Variants in RABEP1 observed in about 807,000 individuals in gnomAD.
RABEP1 encodes rab GTPase-binding effector protein 1.
In RABEP1, 51 loss-of-function variants were observed where a neutral mutation model predicts 123.4. The observed-to-expected ratio is 0.41, with a 90% CI of 0.33 to 0.52. The LOEUF (loss-of-function observed/expected upper bound fraction) is 0.52. Among genes scored for constraint, RABEP1 ranks in the 20% least tolerant of loss-of-function variants. RABEP1 has a pLI of 0.16. For synonymous variants in RABEP1, 347 were observed against 355.2 expected (o/e 0.98, Z 0.26); for missense variants, 888 against 996.3 (o/e 0.89, Z 1.46).
intron 1 of RABEP1, among the ~76,000 whole-genome samples, chr17:5,286,511 A>G (rs201661431): frequency 8.4e-6 from 1 of 119,068 alleles, no homozygotes; most frequent in Non-Finnish European, 1.8e-5. Context: ...AAAGAGTTGT[A>G]TTGTTCAATT....
At chr17:5,300,417 T>C (rs1243877349) in intron 1 of RABEP1, among the ~76,000 whole-genome samples, 1 of 152,146 alleles carries the variant, frequency 6.6e-6, no homozygotes, top group Non-Finnish European at 1.5e-5. Context: ...ATCGTTTTCT[T>C]TGTGTCACAT....
chr17:5,302,322 C>G lies in RABEP1; in HGVS notation c.35-6372C>G, dbSNP rs887382656. 2.8e-4 allele frequency among the ~76,000 whole-genome samples: 41 copies of G among 144,846 alleles called. 1 individual carries two copies. The highest frequency in any genetic ancestry group is 1.0e-3 in the African/African-American group (38 of 38,190). ...GTTGTGCGATCTCAGCTCACTGCAGCCTTGTCCTCCCCAGTTCAAGCAATT... is the reference window on the plus strand; with the variant it reads ...GTTGTGCGATCTCAGCTCACTGCAGGCTTGTCCTCCCCAGTTCAAGCAATT... On this transcript the variant is annotated intron_variant, in intron 1 of 17. Coordinates refer to ENST00000537505, the MANE Select transcript of RABEP1 (RefSeq NM_004703.6).
intron 1 of RABEP1, among the ~76,000 whole-genome samples, chr17:5,299,725 C>CTTTTTTTTTTTTT (rs201875944): frequency 1.5e-4 from 16 of 104,094 alleles, no homozygotes; most frequent in African/African-American, 2.0e-4. Flanking sequence ...TTTTCTTTTT[C>CTTTTTTTTTTTTT]TTTTTCTTTT....
intron 1 of RABEP1, among the ~76,000 whole-genome samples, chr17:5,302,258 T>TTTTTTTTTTG (rs2075141953): frequency 6.7e-6 from 1 of 148,986 alleles, no homozygotes; most frequent in Non-Finnish European, 1.5e-5. Context: ...TTTTTTTTTT[T>TTTTTTTTTTG]GAGATGGAGT....
In RABEP1 at chr17:5,379,018, G is replaced by C. The variant is rs573976430; in HGVS notation, c.2271+786G>C. Among the ~76,000 whole-genome samples the C allele has an allele frequency of 2.0e-5, 3 of 152,220 alleles. No individual in the cohort carries two copies. The East Asian group carries it at 5.8e-4, about 29-fold the overall frequency. On this transcript the variant is annotated intron_variant, in intron 15 of 17. Transcript: ENST00000537505. ...TGCTGTCCCCAGCTGCTGATGCCAC[G>C]AGACTTGGTGACACTGCATGCTCAA...
chr17:5,377,914 C>T (rs1433563939), intron 14 of RABEP1, among the ~76,000 whole-genome samples: 2 of 152,074 alleles, frequency 1.3e-5, no homozygotes, highest in African/African-American at 4.8e-5. Flanking sequence ...ACCAGGGGAA[C>T]GTGATTCAAT....
intron 7 of RABEP1, among the ~76,000 whole-genome samples, chr17:5,352,705 C>T (rs1327103500): frequency 6.6e-6 from 1 of 151,878 alleles, no homozygotes; most frequent in East Asian, 2.0e-4. Context: ...GTGGCATGTG[C>T]CTGTAGTACC....
chr17:5,359,209 G>T (rs886445940), intron 8 of RABEP1, among the ~76,000 whole-genome samples: 9 of 152,056 alleles, frequency 5.9e-5, no homozygotes, highest in Non-Finnish European at 1.0e-4. Context: ...AAGTAGCTGG[G>T]ACTACAGGCA....
chr17:5,308,031 A>G (rs2075196657), intron 1 of RABEP1, among the ~76,000 whole-genome samples: 1 of 152,194 alleles, frequency 6.6e-6, no homozygotes, highest in South Asian at 2.1e-4. Context: ...GATTGGCAGT[A>G]GGTTCATTTG....
At chr17:5,335,770 T>TC (rs1491337246) in intron 4 of RABEP1, among the ~76,000 whole-genome samples, 2 of 152,182 alleles carry the variant, frequency 1.3e-5, no homozygotes, top group Non-Finnish European at 2.9e-5. Context: ...GGAGTTTCTC[T>TC]TTCTCTCTTT....
intron 11 of RABEP1, among the ~76,000 whole-genome samples, chr17:5,367,345 C>G (rs929135362): frequency 1.3e-5 from 2 of 151,742 alleles, no homozygotes; most frequent in Admixed American, 6.6e-5. Flanking sequence ...GATCTTGGCT[C>G]ACTGCAACGT....
intron 3 of RABEP1, among the ~76,000 whole-genome samples, chr17:5,333,845 C>T (rs1265804571): frequency 3.3e-5 from 5 of 152,172 alleles, no homozygotes; most frequent in Admixed American, 2.6e-4. Flanking sequence ...CAGTCTGCAT[C>T]AGAAAAGCAA....
At chr17:5,318,524 T>G (rs2075320639) in intron 2 of RABEP1, among the ~76,000 whole-genome samples, 1 of 152,106 alleles carries the variant, frequency 6.6e-6, no homozygotes, top group Non-Finnish European at 1.5e-5. Context: ...ATAAGAAAAT[T>G]ATGGAACAAC....
chr17:5,378,401 G>A (rs1597300463), intron 15 of RABEP1, 169 bp downstream of exon 15: 5 of 699,800 alleles, frequency 7.1e-6, no homozygotes, highest in South Asian at 4.7e-5. Flanking sequence ...GTGATTTATT[G>A]AGAGTGCCCT....
Position 5,350,535 on chromosome 17 carries a change from C to G in RABEP1, c.869C>G (p.Ser290Cys). The G allele has an allele frequency of 6.2e-7, 1 of 1,614,130 alleles. No individual in the cohort carries two copies. Residue 290 changes from serine to cysteine, a missense_variant, in exon 7 of 18, where the codon TCT (serine) becomes TGT (cysteine). Coordinates refer to ENST00000537505, the MANE Select transcript of RABEP1 (RefSeq NM_004703.6). ...AAGGCCAATGACCAGTTTCTGGAAT[C>G]TCAGCGTTTACTGATGAGAGACATG... ...WQKANDQFLE[S>C]QRLLMRDMQR... is the part of the protein sequence containing the mutation.
chr17:5,380,660 G>T (rs1386296225), intron 16 of RABEP1, 198 bp downstream of exon 16: 1 of 595,242 alleles, frequency 1.7e-6, no homozygotes, highest in Admixed American at 2.3e-5. Flanking sequence ...GCCAGGTCTG[G>T]AGGCCTGCGT....
chr17:5,288,029 A>G (rs1383226727), intron 1 of RABEP1, among the ~76,000 whole-genome samples: 2 of 152,284 alleles, frequency 1.3e-5, no homozygotes, highest in African/African-American at 4.8e-5. Flanking sequence ...AGTATGGCCA[A>G]CAGGATTTGC....
chr17:5,308,757 A>T lies in RABEP1; in HGVS notation c.98A>T (p.Gln33Leu). 6.8e-6 allele frequency: 11 copies of T among 1,612,250 alleles called. No homozygotes were observed. Among genetic ancestry groups the T allele is most frequent in the Non-Finnish European group, 9.3e-6 (11 of 1,178,726 alleles). The change falls in exon 2 of 18, where the codon CAG becomes CTG. Residue 33 changes from glutamine (Q) to leucine (L), a missense_variant. Physicochemically the swap from Gln to Leu is moderately radical, Grantham distance 113 (BLOSUM62 -2). Transcript: ENST00000537505. The stretch of plus-strand genomic sequence containing the variant: ...AATGCAGAATTTTTACGTGCACAAC[A>T]GCAGCTTGAACAAGAATTTAATCAA... Reference protein sequence around the residue: ...KINAEFLRAQQQLEQEFNQKR... With the variant: ...KINAEFLRAQLQLEQEFNQKR...
At chr17:5,283,180 A>G (rs1222318701) in intron 1 of RABEP1, among the ~76,000 whole-genome samples, 3 of 152,128 alleles carry the variant, frequency 2.0e-5, no homozygotes, top group Non-Finnish European at 4.4e-5. Flanking sequence ...TATTTTATCT[A>G]TAAAAATAGC....
Sources: allele counts gnomAD v4.1 joint callset (sites outside exome capture counted in the v4.1 genomes callset), GRCh38; gene constraint gnomAD v4.1.1; transcripts MANE v1.5; gene names NCBI Gene and HGNC (gene_info 2026-07-23, HGNC 2026-07-21).